Variants in C2 observed in about 807,000 individuals in gnomAD.
C2 encodes C3/C5 convertase.
C2 carries 64 observed loss-of-function variants against 85.2 expected under a neutral mutation model. The observed-to-expected ratio is 0.75, with a 90% CI of 0.61 to 0.92. The LOEUF (loss-of-function observed/expected upper bound fraction) is 0.92, where lower values mean the gene tolerates loss of function less well. Among genes scored for constraint, C2 ranks in the 40% least tolerant of loss-of-function variants. The pLI is 0.00. For missense variants in C2, 820 were observed against 971.6 expected (o/e 0.84, Z 2.07); for synonymous variants, 311 against 370.8 (o/e 0.84, Z 1.85).
At chr6:31,925,641 C>T (rs1769216364), upstream of C2, among the ~76,000 whole-genome samples, 1 of 152,092 alleles carries the variant, frequency 6.6e-6, no homozygotes, top group African/African-American at 2.4e-5. Flanking sequence ...GTGGAGCAGC[C>T]ACCATCTCAG....
At chr6:31,916,439 A>C (rs1768506825), upstream of C2, among the ~76,000 whole-genome samples, 2 of 152,046 alleles carry the variant, frequency 1.3e-5, no homozygotes, top group Non-Finnish European at 2.9e-5. Context: ...TGTGCCTGTC[A>C]TCCCAGCTAT....
At chr6:31,912,860 A>AAAG (rs1554273823) in intron 1 of C2, among the ~76,000 whole-genome samples, 5,175 of 145,348 alleles carry the variant, frequency 0.036, 132 homozygotes, top group South Asian at 0.055. Flanking sequence ...AAAAAAAAAA[A>AAAG]AGAGATTGGT....
In C2 at chr6:31,937,516, G is replaced by T. The variant is rs146663209; in HGVS notation, c.1129+57G>T. On this transcript the variant is annotated intron_variant, in intron 8 of 17. Transcript: ENST00000299367. ...ATAGTGGAAGGGGCACCAATATGGG[G>T]TCAGAAGCCCTGAATTCTGATTCTC... The T allele has an allele frequency of 2.1e-3, 3,405 of 1,603,238 alleles. 14 individuals carry two copies. The highest frequency in any genetic ancestry group is 2.0e-3 in the Non-Finnish European group (2,346 of 1,172,096).
chr6:31,903,473 T>C (rs1189470965), intron 1 of C2, among the ~76,000 whole-genome samples: 1 of 151,910 alleles, frequency 6.6e-6, no homozygotes, highest in Admixed American at 6.6e-5. Flanking sequence ...CTACTAAATA[T>C]ACAAAAATTA....
intron 9 of C2, chr6:31,941,195 C>G (rs1770852914): frequency 6.6e-6 from 1 of 152,258 alleles, no homozygotes; most frequent in African/African-American, 2.4e-5. Context: ...CAAACTACCA[C>G]AAACCTGGGT....
At chr6:31,900,496 C>A, upstream of C2, 2 of 1,609,924 alleles carry the variant, frequency 1.2e-6, no homozygotes, top group Non-Finnish European at 1.7e-6. This position sits in a 1 kb window ranked among gnomAD's most constrained non-coding sequence, Gnocchi z 9.7. Flanking sequence ...CTGCATCTTC[C>A]GACAGGCTAT....
intron 1 of C2, among the ~76,000 whole-genome samples, chr6:31,905,129 A>G (rs929135389): frequency 6.6e-6 from 1 of 152,044 alleles, no homozygotes; most frequent in Non-Finnish European, 1.5e-5. Context: ...AGATAAATTT[A>G]GGAGATACTT....
chr6:31,912,846 GAA>G (rs1178093181), intron 1 of C2, among the ~76,000 whole-genome samples: 1 of 31,660 alleles, frequency 3.2e-5, no homozygotes, highest in African/African-American at 2.2e-4. Flanking sequence ...TCTCAAAAAA[GAA>G]AAAAAAAAAA....
chr6:31,929,292 C>T (rs146230389), intron 3 of C2, among the ~76,000 whole-genome samples: 2 of 152,280 alleles, frequency 1.3e-5, no homozygotes, highest in Admixed American at 6.5e-5. Flanking sequence ...GGGTTCCAAG[C>T]CCTACTCTGA....
upstream of C2, among the ~76,000 whole-genome samples, chr6:31,915,342 G>C (rs1417038514): frequency 1.3e-5 from 2 of 152,074 alleles, no homozygotes; most frequent in African/African-American, 4.8e-5. Context: ...ATGCGCTCTG[G>C]GGTTTCATTG....
At chr6:31,901,310 G>C (rs1036855565) in intron 1 of C2, 8 of 1,602,924 alleles carry the variant, frequency 5.0e-6, no homozygotes, top group Non-Finnish European at 6.8e-6. Flanking sequence ...GGCCATTGTG[G>C]CGGGGGTGGG....
At chr6:31,900,423 C>T (rs1209011290), upstream of C2, 9 of 1,551,432 alleles carry the variant, frequency 5.8e-6, no homozygotes, top group African/African-American at 9.6e-5. The surrounding 1 kb of genome is among the most constrained non-coding windows in gnomAD (Gnocchi z 9.7). Context: ...GCTGCTTCCA[C>T]CAGGCCCGAG....
intron 7 of C2, 113 bp from the exon 8 acceptor site, chr6:31,937,206 C>CAAAA (rs9279478): frequency 2.1e-4 from 212 of 1,024,846 alleles, no homozygotes; most frequent in Middle Eastern, 6.0e-4. Context: ...GAGACTCTCT[C>CAAAA]AAAAAAAAAA....
At chr6:31,901,199 G>A (rs1420004040) in intron 1 of C2, 1 of 1,613,486 alleles carries the variant, frequency 6.2e-7, no homozygotes, top group South Asian at 1.1e-5. Flanking sequence ...GGCCACAATG[G>A]TCACGTCGCA....
Position 31,944,262 on chromosome 6 carries a change from T to C in C2, c.1902+36T>C. On this transcript the variant is annotated intron_variant, in intron 15 of 17. Coordinates refer to ENST00000299367, the MANE Select transcript of C2 (RefSeq NM_000063.6). The surrounding 1 kb of genome is among the most constrained non-coding windows in gnomAD (Gnocchi z 5.1). Reference sequence around the variant, plus strand: ...CAGGTTGGGGATGCTGGGATCCCCCTGTGACAGCTCCCAGAATGTCTCTCT... The same window carrying C: ...CAGGTTGGGGATGCTGGGATCCCCCCGTGACAGCTCCCAGAATGTCTCTCT... 1 of 1,352,432 alleles carries C rather than the reference T, an allele frequency of 7.4e-7. No individual in the cohort carries two copies. The highest frequency in any genetic ancestry group is 1.1e-6 in the Non-Finnish European group (1 of 942,398). The allele number at this position is 1,352,432 out of a possible 1,614,324, so 83.8% of individuals were successfully genotyped here.
intron 9 of C2, among the ~76,000 whole-genome samples, chr6:31,940,232 C>A (rs927406532): frequency 6.6e-6 from 1 of 152,214 alleles, no homozygotes; most frequent in African/African-American, 2.4e-5. Flanking sequence ...GGGGAAGATG[C>A]TCAGACAAAC....
At chr6:31,939,460 T>G (rs1770707636) in intron 9 of C2, 140 bp downstream of exon 9, 2 of 689,756 alleles carry the variant, frequency 2.9e-6, no homozygotes, top group South Asian at 3.3e-5. Flanking sequence ...AGGCAACTCA[T>G]GTTGAAGAGC....
chr6:31,900,562 C>G, upstream of C2: 4 of 1,612,126 alleles, frequency 2.5e-6, no homozygotes, highest in Non-Finnish European at 2.5e-6. This position sits in a 1 kb window ranked among gnomAD's most constrained non-coding sequence, Gnocchi z 9.7. Flanking sequence ...GAACGCTGCT[C>G]TGGGCCAGCT....
chr6:31,923,030 T>C (rs543278061), upstream of C2, among the ~76,000 whole-genome samples: 7 of 152,310 alleles, frequency 4.6e-5, no homozygotes, highest in South Asian at 1.2e-3. Context: ...GTCTGTTTTT[T>C]AGATATTATT....
Sources: gnomAD v4.1 joint callset for allele counts (sites outside exome capture counted in the v4.1 genomes callset) on GRCh38, gnomAD v4.1.1 for gene constraint, Gnocchi (gnomAD v3.1) non-coding constraint, MANE v1.5 for transcripts, NCBI Gene and HGNC (gene_info 2026-07-23, HGNC 2026-07-21) for gene names.